DDX59: variants seen among roughly 807,000 people sequenced by gnomAD.
DDX59 encodes the protein probable ATP-dependent RNA helicase DDX59.
A neutral mutation model predicts 51.9 loss-of-function variants in DDX59; 30 were observed. The observed-to-expected ratio is 0.58, with a 90% CI of 0.43 to 0.78. The LOEUF (loss-of-function observed/expected upper bound fraction) is 0.78. Among genes scored for constraint, DDX59 ranks in the 30% least tolerant of loss-of-function variants. The pLI is 0.00. For synonymous variants in DDX59, 255 were observed against 253.3 expected, an observed-to-expected ratio of 1.01 and a Z score of -0.06; for missense variants, 672 against 730.8, an observed-to-expected ratio of 0.92 and a Z score of 0.93.
At chr1:200,658,556 T>C (rs1662178774) in intron 4 of DDX59, among the ~76,000 whole-genome samples, 3 of 151,968 alleles carry the variant, frequency 2.0e-5, no homozygotes, top group South Asian at 4.2e-4. Flanking sequence ...TAGCCAGGCA[T>C]GGTGATGTGT....
downstream of DDX59, chr1:200,640,991 A>G (rs1012339014): frequency 2.5e-5 from 7 of 285,172 alleles, no homozygotes; most frequent in African/African-American, 1.5e-4. Flanking sequence ...TTAATTATCC[A>G]TTGGTTGGTT....
chr1:200,651,945 T>C (rs1661689181), intron 4 of DDX59, among the ~76,000 whole-genome samples: 1 of 149,052 alleles, frequency 6.7e-6, no homozygotes, highest in Admixed American at 6.8e-5. Flanking sequence ...GAGGCGGAGC[T>C]TGCAGTGAGC....
chr1:200,650,673 C>A lies in DDX59; in HGVS notation c.1066G>T (p.Asp356Tyr). ...GVKIVVVDEA[D>Y]TMLKMGFQQQ... ...TGAAAACCCATCTTTAACATGGTAT[C>A]AGCCTAAAATAAAATTGTATTAAAG... Residue 356 changes from aspartate to tyrosine, a missense_variant, in exon 5 of 8, where the codon GAT (aspartate) becomes TAT (tyrosine). By Grantham distance (160) the Asp-to-Tyr change is radical (BLOSUM62 -3). Coordinates refer to ENST00000331314, the MANE Select transcript of DDX59 (RefSeq NM_001031725.6). 1 of 1,604,334 alleles carries A rather than the reference C, an allele frequency of 6.2e-7. No homozygotes were observed. The highest frequency in any genetic ancestry group is 2.2e-5 in the East Asian group (1 of 44,698).
rs992189881 is a variant in DDX59 at position 200,664,142 on chromosome 1, T to C, written c.805-56A>G. 2.2e-5 allele frequency: 34 copies of C among 1,562,330 alleles called. No homozygotes were observed. In the African/African-American group the frequency reaches 2.3e-4, roughly 11 times the overall value. The stretch of plus-strand genomic sequence containing the variant: ...CACCAGCAATTAATTCCTGCTGATA[T>C]GAACTAAATCTTCACAAGGATTCCA... On this transcript the variant is annotated intron_variant, in intron 2 of 7. Coordinates refer to ENST00000331314, the MANE Select transcript of DDX59 (RefSeq NM_001031725.6).
intron 3 of DDX59, 21 bp from the exon 4 acceptor site, chr1:200,659,137 A>C: frequency 6.4e-7 from 1 of 1,571,700 alleles, no homozygotes; most frequent in Non-Finnish European, 8.7e-7. Flanking sequence ...GAGAAAAAGC[A>C]AATTAAAAAA....
intron 7 of DDX59, among the ~76,000 whole-genome samples, chr1:200,647,265 T>C (rs961972225): frequency 1.3e-5 from 2 of 152,164 alleles, no homozygotes; most frequent in African/African-American, 4.8e-5. Flanking sequence ...GCTCTATTTC[T>C]GCTAGAGAGA....
At chr1:200,641,803 G>C (rs891327936), downstream of DDX59, among the ~76,000 whole-genome samples, 3 of 152,038 alleles carry the variant, frequency 2.0e-5, no homozygotes, top group African/African-American at 7.3e-5. Context: ...AAGAGATGGA[G>C]ACCATCCTGG....
chr1:200,650,095 C>T (rs948081249), intron 5 of DDX59, among the ~76,000 whole-genome samples: 3 of 152,208 alleles, frequency 2.0e-5, no homozygotes, highest in Middle Eastern at 3.4e-3. Context: ...CTGCCCGCCT[C>T]GGCCTCCTAA....
chr1:200,656,614 C>T (rs376915222), intron 4 of DDX59, among the ~76,000 whole-genome samples: 1 of 152,176 alleles, frequency 6.6e-6, no homozygotes, highest in South Asian at 2.1e-4. Context: ...CCTTAAATGC[C>T]AAGGAGCTGG....
Position 200,644,413 on chromosome 1 carries a change from T to G in DDX59, c.1701A>C (p.Thr567=), listed in dbSNP as rs575712564. 1 of 1,613,916 alleles carries G rather than the reference T, an allele frequency of 6.2e-7. No homozygotes were observed. The highest frequency in any genetic ancestry group is 8.5e-7 in the Non-Finnish European group (1 of 1,179,950). Residue 567 remains threonine, a synonymous_variant, in exon 8 of 8, where the codon ACA becomes ACC. Coordinates refer to ENST00000331314, the MANE Select transcript of DDX59 (RefSeq NM_001031725.6). ...ATAACTGAGGGGGAAGAATGGATCC[T>G]GTGGGCTTTACTCGTTTTGCAATAT... ...FWDIAKRVKP[T]GSILPPQLLN... is the part of the protein sequence containing the mutation.
rs1661141094 is a variant in DDX59 at position 200,644,138 on chromosome 1, TATTAA to T, written c.*111_*115del. ...AAATACAATATAGTTATATAAATTT[TATTAA>T]ATTAAAAATATCTTAAAATTTTTAA... is the stretch of plus-strand genomic sequence containing the variant. On this transcript the variant is annotated 3_prime_UTR_variant, in exon 8 of 8. Transcript: ENST00000331314. 6.1e-6 allele frequency: 5 copies of T among 822,464 alleles called. No homozygotes were observed. The highest frequency in any genetic ancestry group is 6.2e-5 in the South Asian group (1 of 16,036). The allele number at this position is 822,464 out of a possible 1,614,324, so 50.9% of individuals were successfully genotyped here. A position where few individuals can be genotyped will look rare whatever the true frequency, so the allele number is the denominator to read the frequency against.
chr1:200,643,146 A>C (rs1558109668), downstream of DDX59, among the ~76,000 whole-genome samples: 1 of 126,218 alleles, frequency 7.9e-6, no homozygotes, highest in Non-Finnish European at 1.8e-5. Context: ...CCTGAGCAAC[A>C]TAGTGAGACA....
rs1182745767 is a variant in DDX59 at position 200,666,329 on chromosome 1, G to C, written c.412C>G (p.Gln138Glu). ...SLECKAKHLL[Q>E]VKEKEEKSKL... ...GATTTCTCTTCCTTTTCCTTAACTTGTAGAAGATGTTTCGCTTTACACTCC... is the reference window on the plus strand; with the variant it reads ...GATTTCTCTTCCTTTTCCTTAACTTCTAGAAGATGTTTCGCTTTACACTCC... Residue 138 changes from glutamine (Q) to glutamate (E), a missense_variant, in exon 2 of 8, where the codon CAA (glutamine) becomes GAA (glutamate). Transcript: ENST00000331314. 1 of 1,614,016 alleles carries C rather than the reference G, an allele frequency of 6.2e-7. No homozygotes were observed. The highest frequency in any genetic ancestry group is 8.5e-7 in the Non-Finnish European group (1 of 1,180,038).
chr1:200,668,172 G>C (rs1662908467), intron 1 of DDX59, among the ~76,000 whole-genome samples: 1 of 152,122 alleles, frequency 6.6e-6, no homozygotes, highest in East Asian at 1.9e-4. Context: ...CCGGGCGTTG[G>C]CGGCAGGCGC....
intron 5 of DDX59, 67 bp downstream of exon 5, chr1:200,650,358 T>C (rs1661576809): frequency 6.8e-7 from 1 of 1,463,562 alleles, no homozygotes; most frequent in Non-Finnish European, 9.1e-7. Context: ...CTCAAAATCA[T>C]TCTCTTAAGA....
chr1:200,652,356 T>C (rs1661722462), intron 4 of DDX59, among the ~76,000 whole-genome samples: 1 of 152,182 alleles, frequency 6.6e-6, no homozygotes, highest in African/African-American at 2.4e-5. Flanking sequence ...TGTGCTGTCA[T>C]CCATATTAAA....
intron 7 of DDX59, among the ~76,000 whole-genome samples, chr1:200,646,671 G>T (rs973192052): frequency 3.3e-5 from 5 of 152,184 alleles, no homozygotes; most frequent in Admixed American, 3.3e-4. Flanking sequence ...AAATGGTGAC[G>T]CCATGTTGGA....
chr1:200,648,436 T>C lies in DDX59; in HGVS notation c.1596+3A>G. ...AATAGTGGTAACATATAAAGCTCCT[T>C]ACCTGATGGACATACTCATCCATAC... On this transcript the variant is annotated splice_donor_region_variant and intron_variant, in intron 7 of 7. Transcript: ENST00000331314. The C allele has an allele frequency of 6.2e-7, 1 of 1,613,690 alleles. No homozygotes were observed.
At chr1:200,668,305 C>A (rs1469424813) in intron 1 of DDX59, among the ~76,000 whole-genome samples, 3 of 113,552 alleles carry the variant, frequency 2.6e-5, no homozygotes, top group African/African-American at 1.1e-4. Flanking sequence ...AAGACTCCGT[C>A]TCAAAAAAAA....
Sources: gnomAD v4.1 joint callset for allele counts (sites outside exome capture counted in the v4.1 genomes callset) on GRCh38, gnomAD v4.1.1 for gene constraint, MANE v1.5 for transcripts, NCBI Gene and HGNC (gene_info 2026-07-23, HGNC 2026-07-21) for gene names.